The following MAX variants were observed in gnomAD, a reference collection of about 807,000 sequenced individuals.
MAX encodes the protein MYC associated transcriptional regulator X, also known as protein max.
MAX carries 3 observed loss-of-function variants against 22.3 expected under a neutral mutation model. The observed-to-expected ratio is 0.13, with a 90% CI of 0.06 to 0.35. The LOEUF (loss-of-function observed/expected upper bound fraction) is 0.35, where lower values mean the gene tolerates loss of function less well. MAX is among the 10% of genes least tolerant of loss of function. MAX has a pLI of 1.00. For missense variants in MAX, 119 were observed against 209.4 expected (o/e 0.57, Z 2.66); for synonymous variants, 72 against 77.7 (o/e 0.93, Z 0.39).
rs374067276 is a variant in MAX at position 65,077,421 on chromosome 14, G to C, written c.295+492C>G. On this transcript the variant is annotated intron_variant, in intron 4 of 4. Transcript: ENST00000358664. The surrounding 1 kb of genome is among the most constrained non-coding windows in gnomAD (Gnocchi z 6.3). The stretch of plus-strand genomic sequence containing the variant: ...GGAACAAAGAACTTGATCAGCTCTC[G>C]CTTTCCCCTGTGGTTGTAGGAAAAG... 63 of 1,609,590 alleles carry C rather than the reference G, an allele frequency of 3.9e-5. No homozygotes were observed. Among genetic ancestry groups the C allele is most frequent in the Non-Finnish European group, 2.7e-5 (32 of 1,175,942 alleles).
Position 65,009,842 on chromosome 14 carries a change from G to A in MAX, c.172-3558C>T, listed in dbSNP as rs537691105. On this transcript the variant is annotated intron_variant, in intron 3 of 3. Transcript: ENST00000341653. This position sits in a 1 kb window ranked among gnomAD's most constrained non-coding sequence, Gnocchi z 4.2. ...GTTTTCTGACCCTCCATCTCTTCCC[G>A]TGGCTGATCACAGCGTTTATTGGAC... Among the ~76,000 whole-genome samples, 5 of 151,990 alleles carry A rather than the reference G, an allele frequency of 3.3e-5. No individual in the cohort carries two copies. The East Asian group carries it at 5.8e-4, about 18-fold the overall frequency.
At chr14:65,015,753 A>G in intron 3 of MAX, 1 of 1,599,484 alleles carries the variant, frequency 6.3e-7, no homozygotes, top group Non-Finnish European at 8.6e-7. Context: ...GTGTTCTCTG[A>G]AATTGTATTT....
Position 65,076,553 on chromosome 14 carries a change from C to G in MAX, c.406G>C (p.Gly136Arg), listed in dbSNP as rs140490467. 3.1e-6 allele frequency: 5 copies of G among 1,613,980 alleles called. No homozygotes were observed. In the African/African-American group the frequency reaches 6.7e-5, roughly 22 times the overall value. Residue 136 changes from glycine to arginine, a missense_variant, in exon 5 of 5, where the codon GGG becomes CGG. Gly to Arg is a moderately radical substitution (Grantham distance 125, BLOSUM62 -2). Coordinates refer to ENST00000358664, the MANE Select transcript of MAX (RefSeq NM_002382.5). This position sits in a 1 kb window ranked among gnomAD's most constrained non-coding sequence, Gnocchi z 6.6. ...GACTCCGAGCTGGAGTCCGAGCCCC[C>G]ATCGAAGGCAGAGATGGTGCTGCCC... ...AKGSTISAFDGGSDSSSESEP... is the reference protein window; with the variant it reads ...AKGSTISAFDRGSDSSSESEP...
intron 3 of MAX, among the ~76,000 whole-genome samples, chr14:65,051,347 T>C (rs578144751): frequency 1.3e-5 from 2 of 152,248 alleles, no homozygotes; most frequent in Non-Finnish European, 2.9e-5. Flanking sequence ...CGGTGGCCCA[T>C]GCCTGTAATC....
intron 2 of MAX, among the ~76,000 whole-genome samples, chr14:65,096,960 C>A (rs1256417): frequency 7.2e-5 from 11 of 151,986 alleles, no homozygotes; most frequent in South Asian, 4.1e-4. Context: ...TGGATTTGTA[C>A]GTCTGGATGT....
intron 2 of MAX, among the ~76,000 whole-genome samples, chr14:65,099,355 G>A (rs1049205306): frequency 5.9e-5 from 9 of 151,742 alleles, no homozygotes; most frequent in African/African-American, 1.7e-4. Flanking sequence ...AAATCAAAAG[G>A]AAAAATCCTA....
rs150300793 is a variant in MAX, at chr14:65,057,614, G to A, written c.171+36094C>T. ...ACAAATACATCACAAATTGTGATGC[G>A]TGCTATGAAGGGAATGAACAAGGCA... is the stretch of plus-strand genomic sequence containing the variant. On this transcript the variant is annotated intron_variant, in intron 3 of 3. Transcript: ENST00000341653. 3.3e-5 allele frequency among the ~76,000 whole-genome samples: 5 copies of A among 152,258 alleles called. No individual in the cohort carries two copies. In the East Asian group the frequency reaches 5.8e-4, roughly 18 times the overall value.
chr14:65,027,869 G>C lies in MAX; in HGVS notation c.172-21585C>G. ...ATGCCAAGCCTAAGGAACATCATGGGGAAGCTGCTGCTTTGTCCCAGAATG... is the reference window on the plus strand; with the variant it reads ...ATGCCAAGCCTAAGGAACATCATGGCGAAGCTGCTGCTTTGTCCCAGAATG... On this transcript the variant is annotated intron_variant, in intron 3 of 3. Coordinates refer to the MAX transcript ENST00000341653. The surrounding 1 kb of genome is among the most constrained non-coding windows in gnomAD (Gnocchi z 5.7). The C allele has an allele frequency of 1.9e-6, 3 of 1,545,584 alleles. No homozygotes were observed. Among genetic ancestry groups the C allele is most frequent in the Admixed American group, 3.6e-5 (2 of 54,862 alleles).
rs1329108681 is a variant in MAX, at chr14:65,084,906, A to G, written c.172-6870T>C. On this transcript the variant is annotated intron_variant, in intron 3 of 4. Transcript: ENST00000358664. The surrounding 1 kb of genome is among the most constrained non-coding windows in gnomAD (Gnocchi z 4.3). ...CAATAGCAGCTTTTGGGGAGAAAAA[A>G]AGGAGGCAGGTTTCTTTTCACATCC... 1.3e-5 allele frequency among the ~76,000 whole-genome samples: 2 copies of G among 152,166 alleles called. No individual in the cohort carries two copies. Among genetic ancestry groups the G allele is most frequent in the Non-Finnish European group, 1.5e-5 (1 of 68,036 alleles).
rs1192430235 is a variant in MAX at position 65,079,247 on chromosome 14, C to T, written c.172-1211G>A. Among the ~76,000 whole-genome samples, 1 of 152,224 alleles carries T rather than the reference C, an allele frequency of 6.6e-6. No individual in the cohort carries two copies. Among genetic ancestry groups the T allele is most frequent in the Non-Finnish European group, 1.5e-5 (1 of 68,042 alleles). The stretch of plus-strand genomic sequence containing the variant: ...AATGCTGCTGTGTCACTACTTCAGC[C>T]TTCCTGGCTAAAGAGACTTTCATAA... On this transcript the variant is annotated intron_variant, in intron 3 of 4. Transcript: ENST00000358664. The surrounding 1 kb of genome is among the most constrained non-coding windows in gnomAD (Gnocchi z 4.5).
rs540639775 is a variant in MAX, at chr14:65,037,698, T to C, written c.172-31414A>G. The stretch of plus-strand genomic sequence containing the variant: ...CTGCGGCTTCCCCAAGTGCTGGGAT[T>C]ACAGGTGTGAGCCACCATGCCCAGC... On this transcript the variant is annotated intron_variant, in intron 3 of 3. Coordinates refer to the MAX transcript ENST00000341653. Among the ~76,000 whole-genome samples, 17 of 149,722 alleles carry C rather than the reference T, an allele frequency of 1.1e-4. No individual in the cohort carries two copies. In the South Asian group the frequency reaches 3.4e-3, roughly 30 times the overall value.
chr14:65,045,461 G>C (rs988851590), intron 3 of MAX, among the ~76,000 whole-genome samples: 9 of 123,964 alleles, frequency 7.3e-5, no homozygotes, highest in Admixed American at 3.1e-4. Context: ...TGTCTCCCAG[G>C]CTGGAGTGCA....
At chr14:65,041,085 C>T (rs1296743930) in intron 3 of MAX, among the ~76,000 whole-genome samples, 2 of 152,176 alleles carry the variant, frequency 1.3e-5, no homozygotes, top group East Asian at 1.9e-4. Context: ...TTGGCTCCCC[C>T]TTCTGCCTTT....
rs563765038 is a variant in MAX at position 65,011,506 on chromosome 14, A to G, written c.172-5222T>C. Among the ~76,000 whole-genome samples, 7 of 152,134 alleles carry G rather than the reference A, an allele frequency of 4.6e-5. No individual in the cohort carries two copies. Among genetic ancestry groups the G allele is most frequent in the Admixed American group, 1.3e-4 (2 of 15,290 alleles). ...AAGTACAGTGGGAATTTGATAAACA[A>G]TTGTGGAATTGACTACCTAGCAAAG... is the stretch of plus-strand genomic sequence containing the variant. On this transcript the variant is annotated intron_variant, in intron 3 of 3. Transcript: ENST00000341653. The surrounding 1 kb of genome is among the most constrained non-coding windows in gnomAD (Gnocchi z 4.0).
Position 65,062,635 on chromosome 14 carries a change from AAAG to A in MAX, c.171+31070_171+31072del, listed in dbSNP as rs2062885979. The A allele has an allele frequency of 2.0e-5, 3 of 152,746 alleles. No individual in the cohort carries two copies. The highest frequency in any genetic ancestry group is 4.8e-5 in the African/African-American group (2 of 41,564). The allele number at this position is 152,746 out of a possible 1,614,324, so 9.5% of individuals were successfully genotyped here. A position where few individuals can be genotyped will look rare whatever the true frequency, so the allele number is the denominator to read the frequency against. On this transcript the variant is annotated intron_variant, in intron 3 of 3. Transcript: ENST00000341653. The surrounding 1 kb of genome is among the most constrained non-coding windows in gnomAD (Gnocchi z 4.3). ...TATGTATTACCTCCTTGAAATAATAAAAGAATAACATTTTCTATGATGTCTCTT... is the reference window on the plus strand; with the variant it reads ...TATGTATTACCTCCTTGAAATAATAAAATAACATTTTCTATGATGTCTCTT...
At position 65,076,238 on chromosome 14, in the gene MAX, TG is replaced by T; in HGVS notation, c.*237del. ...TGGGGTGTTTTGGTTTAAAAATTCC[TG>T]TTGGGGACAGGGAATCCCTGAAGGG... On this transcript the variant is annotated 3_prime_UTR_variant, in exon 5 of 5. Coordinates refer to ENST00000358664, the MANE Select transcript of MAX (RefSeq NM_002382.5). The surrounding 1 kb of genome is among the most constrained non-coding windows in gnomAD (Gnocchi z 6.6). 1 of 1,427,040 alleles carries T rather than the reference TG, an allele frequency of 7.0e-7. No homozygotes were observed. The highest frequency in any genetic ancestry group is 2.9e-5 in the Admixed American group (1 of 34,578). 88.4% of individuals were successfully genotyped at this position (1,427,040 alleles called of 1,614,324 possible). A position where few individuals can be genotyped will look rare whatever the true frequency, so the allele number is the denominator to read the frequency against.
intron 2 of MAX, among the ~76,000 whole-genome samples, chr14:65,095,137 C>T (rs1386600373): frequency 6.6e-6 from 1 of 152,192 alleles, no homozygotes; most frequent in Non-Finnish European, 1.5e-5. Flanking sequence ...CCAGTCATTA[C>T]AGAGGAAGAG....
chr14:65,052,443 A>G (rs1367136517), intron 3 of MAX, among the ~76,000 whole-genome samples: 1 of 152,160 alleles, frequency 6.6e-6, no homozygotes, highest in Non-Finnish European at 1.5e-5. Context: ...AAATTGACCA[A>G]GGACTTAGTG....
chr14:65,020,193 T>C (rs534659166), intron 3 of MAX, among the ~76,000 whole-genome samples: 29 of 152,344 alleles, frequency 1.9e-4, no homozygotes, highest in Admixed American at 9.1e-4. Flanking sequence ...TGTCAGCTGC[T>C]ATGACCGCTG....
Sources: allele counts gnomAD v4.1 joint callset (sites outside exome capture counted in the v4.1 genomes callset), GRCh38; gene constraint gnomAD v4.1.1; non-coding constraint Gnocchi (gnomAD v3.1); transcripts MANE v1.5; gene names NCBI Gene and HGNC (gene_info 2026-07-23, HGNC 2026-07-21).